The following SORCS3 variants were observed in gnomAD, a reference collection of about 807,000 sequenced individuals.
SORCS3 encodes the protein sortilin related VPS10 domain containing receptor 3.
In SORCS3, 57 loss-of-function variants were observed where a neutral mutation model predicts 146.3. The ratio of observed to expected loss-of-function variants is 0.39; its 90% CI spans 0.31 to 0.49. The LOEUF (loss-of-function observed/expected upper bound fraction) is 0.49, where lower values mean the gene tolerates loss of function less well. Among genes scored for constraint, SORCS3 ranks in the 20% least tolerant of loss-of-function variants. SORCS3 has a pLI of 0.92. For synonymous variants in SORCS3, 653 were observed against 618.5 expected (o/e 1.06, Z -0.83); for missense variants, 1,341 against 1,575.5 (o/e 0.85, Z 2.52).
intron 2 of SORCS3, among the ~76,000 whole-genome samples, chr10:104,890,578 A>G (rs1278317140): frequency 7.9e-5 from 12 of 152,026 alleles, no homozygotes; most frequent in Admixed American, 7.9e-4. Flanking sequence ...TTGCATGTAC[A>G]CTTTTTTCTC....
chr10:104,865,983 G>A (rs542708132), intron 2 of SORCS3, among the ~76,000 whole-genome samples: 9 of 152,284 alleles, frequency 5.9e-5, no homozygotes, highest in African/African-American at 1.9e-4. Context: ...CCCCATATTC[G>A]TCAGCTGTGG....
chr10:105,150,394 A>T (rs187157853), intron 9 of SORCS3, among the ~76,000 whole-genome samples: 1 of 152,160 alleles, frequency 6.6e-6, no homozygotes, highest in African/African-American at 2.4e-5. Flanking sequence ...TGTAAAAAGG[A>T]TGTGATCTGT....
intron 3 of SORCS3, among the ~76,000 whole-genome samples, chr10:104,951,114 T>G (rs939711810): frequency 6.6e-6 from 1 of 152,206 alleles, no homozygotes; most frequent in African/African-American, 2.4e-5. Context: ...TCCTTCTTAG[T>G]CTTCACTAGT....
chr10:105,132,761 A>G (rs1348976524), intron 7 of SORCS3, among the ~76,000 whole-genome samples: 1 of 152,200 alleles, frequency 6.6e-6, no homozygotes, highest in Non-Finnish European at 1.5e-5. Context: ...CCAGAAAATC[A>G]GATTAACGAA....
chr10:105,085,341 G>A (rs2055653357), intron 5 of SORCS3, among the ~76,000 whole-genome samples: 1 of 152,216 alleles, frequency 6.6e-6, no homozygotes, highest in Non-Finnish European at 1.5e-5. Context: ...AGATTGTGGT[G>A]AAGAATGTTC....
chr10:104,712,419 G>A (rs1459289339), intron 1 of SORCS3, among the ~76,000 whole-genome samples: 1 of 152,186 alleles, frequency 6.6e-6, no homozygotes, highest in Non-Finnish European at 1.5e-5. Context: ...AAGCTTGAGT[G>A]AAATCAAATG....
chr10:104,966,364 C>T (rs900352926), intron 3 of SORCS3, among the ~76,000 whole-genome samples: 1 of 152,038 alleles, frequency 6.6e-6, no homozygotes, highest in East Asian at 1.9e-4. Context: ...GTGGGTTTAG[C>T]GGATAGCTAT....
chr10:104,998,390 C>T (rs2055039777), intron 4 of SORCS3, among the ~76,000 whole-genome samples: 3 of 152,078 alleles, frequency 2.0e-5, no homozygotes, highest in East Asian at 1.9e-4. Flanking sequence ...TACAGATGTG[C>T]TAAGCACTGT....
rs115723053 is a variant in SORCS3, at chr10:105,211,025, T to C, written c.2262-112T>C. On this transcript the variant is annotated intron_variant, in intron 16 of 26. Transcript: ENST00000369701. ...CCCTCACTGGGGATATTTAAAACAA[T>C]GTGTTATGACTTTCTGGATGGCAAT... The C allele has an allele frequency of 3.8e-3, 2,462 of 647,124 alleles. 47 individuals are homozygous for C. The African/African-American group carries it at 0.039, about 10-fold the overall frequency. The allele number at this position is 647,124 out of a possible 1,614,324, so 40.1% of individuals were successfully genotyped here.
At chr10:104,746,241 A>G (rs2016908766) in intron 1 of SORCS3, among the ~76,000 whole-genome samples, 1 of 150,558 alleles carries the variant, frequency 6.6e-6, no homozygotes, top group Non-Finnish European at 1.5e-5. Flanking sequence ...GGTTCACGCC[A>G]TTCTCCTGCC....
At chr10:105,083,090 C>T (rs2055636406) in intron 5 of SORCS3, among the ~76,000 whole-genome samples, 1 of 152,088 alleles carries the variant, frequency 6.6e-6, no homozygotes. Context: ...ACCTGATCTT[C>T]ACATATTTAT....
At chr10:104,911,826 A>G (rs990284649) in intron 2 of SORCS3, among the ~76,000 whole-genome samples, 3 of 152,148 alleles carry the variant, frequency 2.0e-5, no homozygotes, top group Non-Finnish European at 4.4e-5. Flanking sequence ...TTTAACAAGA[A>G]TCCTTCTAAG....
intron 1 of SORCS3, among the ~76,000 whole-genome samples, chr10:104,810,363 T>G (rs912165462): frequency 1.3e-5 from 2 of 152,228 alleles, no homozygotes; most frequent in African/African-American, 4.8e-5. Context: ...GATTTATATT[T>G]AACATTGTCA....
chr10:105,217,028 G>A lies in SORCS3; in HGVS notation c.2640G>A (p.Lys880=). The part of the protein sequence containing the change: ...ANFSPIEDGI[K]HVYKSAGIFQ... Reference sequence around the variant, plus strand: ...TCAGCCCCATCGAGGACGGCATCAAGCACGTGTATAAGAGTGCGGGGATCT... The same window carrying A: ...TCAGCCCCATCGAGGACGGCATCAAACACGTGTATAAGAGTGCGGGGATCT... Residue 880 remains lysine (K), a synonymous_variant, in exon 19 of 27, where the codon AAG becomes AAA. Transcript: ENST00000369701. 6.2e-7 allele frequency: 1 copy of A among 1,614,172 alleles called. No individual in the cohort carries two copies. The highest frequency in any genetic ancestry group is 8.5e-7 in the Non-Finnish European group (1 of 1,180,020).
intron 2 of SORCS3, among the ~76,000 whole-genome samples, chr10:104,900,851 G>C (rs1326807039): frequency 7.6e-6 from 1 of 131,518 alleles, no homozygotes; most frequent in Non-Finnish European, 1.6e-5. Context: ...CTGAGATGGT[G>C]CCACTGTACT....
chr10:104,658,083 T>A (rs1460381304), intron 1 of SORCS3, among the ~76,000 whole-genome samples: 1 of 152,224 alleles, frequency 6.6e-6, no homozygotes, highest in Non-Finnish European at 1.5e-5. Flanking sequence ...CCTTTCTCCC[T>A]TCTGGTTTTG....
In SORCS3 at chr10:105,211,261, C is replaced by T. The variant is rs776943147; in HGVS notation, c.2375+11C>T. ...CCTTAACAGCACTGGGTAAGTAAAA[C>T]ACCTACAGGAACTCAGCTCCCTGTT... On this transcript the variant is annotated intron_variant, in intron 17 of 26. Coordinates refer to ENST00000369701, the MANE Select transcript of SORCS3 (RefSeq NM_014978.3). 31 of 1,580,776 alleles carry T rather than the reference C, an allele frequency of 2.0e-5. No homozygotes were observed. Among genetic ancestry groups the T allele is most frequent in the Non-Finnish European group, 2.5e-5 (29 of 1,149,812 alleles).
intron 1 of SORCS3, among the ~76,000 whole-genome samples, chr10:104,811,028 A>G (rs1304280507): frequency 6.6e-6 from 1 of 152,256 alleles, no homozygotes; most frequent in Non-Finnish European, 1.5e-5. Flanking sequence ...AAAATGATTA[A>G]GAAAAGCCCA....
chr10:105,231,572 G>A (rs1245497479), intron 20 of SORCS3, among the ~76,000 whole-genome samples: 1 of 152,062 alleles, frequency 6.6e-6, no homozygotes, highest in Admixed American at 6.6e-5. Context: ...GTGGTGAGAG[G>A]GAACGTCCTT....
Sources: allele counts gnomAD v4.1 joint callset (sites outside exome capture counted in the v4.1 genomes callset), GRCh38; gene constraint gnomAD v4.1.1; transcripts MANE v1.5; gene names NCBI Gene and HGNC (gene_info 2026-07-23, HGNC 2026-07-21).